The following WWTR1 variants were observed in gnomAD, a reference collection of about 807,000 sequenced individuals.
WWTR1 encodes WW domain containing transcription regulator 1.
WWTR1 carries 13 observed loss-of-function variants against 40.1 expected under a neutral mutation model. The observed-to-expected ratio is 0.32, with a 90% CI of 0.21 to 0.52. The LOEUF (loss-of-function observed/expected upper bound fraction) is 0.52. WWTR1 is among the 20% of genes least tolerant of loss of function. The probability of loss-of-function intolerance (pLI) is 0.97; values close to 1 mark genes in which losing one functional copy is unlikely to be tolerated. For missense variants in WWTR1, 436 were observed against 523.1 expected, an observed-to-expected ratio of 0.83 and a Z score of 1.63; for synonymous variants, 230 against 210.1, an observed-to-expected ratio of 1.09 and a Z score of -0.82.
At chr3:149,719,338 T>TTTTTTTA (rs1382736820) in intron 4 of WWTR1, among the ~76,000 whole-genome samples, 5 of 151,874 alleles carry the variant, frequency 3.3e-5, no homozygotes, top group African/African-American at 1.2e-4. Context: ...GCCCAGCTAA[T>TTTTTTTA]TTTTTTATTT....
chr3:149,560,022 C>T (rs1354670627), intron 3 of WWTR1, among the ~76,000 whole-genome samples: 1 of 152,140 alleles, frequency 6.6e-6, no homozygotes, highest in African/African-American at 2.4e-5. Context: ...TTGGGAAGGA[C>T]CTGGGACACC....
At chr3:149,683,566 C>T (rs912881533) in intron 1 of WWTR1, among the ~76,000 whole-genome samples, 5 of 152,042 alleles carry the variant, frequency 3.3e-5, no homozygotes, top group African/African-American at 4.8e-5. Context: ...TGGTGGCATG[C>T]GCCTGTAATC....
At chr3:149,568,521 T>G (rs1005170716) in intron 3 of WWTR1, among the ~76,000 whole-genome samples, 18 of 25,070 alleles carry the variant, frequency 7.2e-4, no homozygotes, top group Admixed American at 1.3e-3. Flanking sequence ...TGAATTAAAG[T>G]GCAAAAAAAA....
chr3:149,598,372 C>T lies in WWTR1; in HGVS notation c.432-25372G>A, dbSNP rs138806871. Among the ~76,000 whole-genome samples, 234 of 152,320 alleles carry T rather than the reference C, an allele frequency of 1.5e-3. 1 individual carries two copies. Among genetic ancestry groups the T allele is most frequent in the African/African-American group, 4.9e-3 (202 of 41,564 alleles). On this transcript the variant is annotated intron_variant, in intron 2 of 6. Transcript: ENST00000360632. ...ACAATAATCCTGGAAAAATTATTAT[C>T]CCCATCTTATAAATGAGGAAACTGA...
intron 4 of WWTR1, among the ~76,000 whole-genome samples, chr3:149,723,001 T>C (rs1715790358): frequency 6.6e-6 from 1 of 152,000 alleles, no homozygotes; most frequent in African/African-American, 2.4e-5. Flanking sequence ...ATTACAACCA[T>C]TTTTAGGTCT....
rs373485043 is a variant in WWTR1, at chr3:149,553,193, G to A, written c.569-10656C>T. Among the ~76,000 whole-genome samples, 20 of 152,226 alleles carry A rather than the reference G, an allele frequency of 1.3e-4. 1 individual carries two copies. The South Asian group carries it at 2.5e-3, about 19-fold the overall frequency. Reference sequence around the variant, plus strand: ...TCAGGAACAGGCTGCGACAAACCTAGGAAACCCGGAACGCCTGCTAGAATA... The same window carrying A: ...TCAGGAACAGGCTGCGACAAACCTAAGAAACCCGGAACGCCTGCTAGAATA... On this transcript the variant is annotated intron_variant, in intron 3 of 6. Coordinates refer to ENST00000360632, the MANE Select transcript of WWTR1 (RefSeq NM_015472.6).
At chr3:149,560,956 A>AC (rs5853422) in intron 3 of WWTR1, among the ~76,000 whole-genome samples, 4,984 of 148,016 alleles carry the variant, frequency 0.034, 100 homozygotes, top group Non-Finnish European at 0.044. Flanking sequence ...AGAAAGTAAC[A>AC]CCCCCCCCCG....
At chr3:149,616,762 A>C (rs1002869063) in intron 2 of WWTR1, among the ~76,000 whole-genome samples, 11 of 152,062 alleles carry the variant, frequency 7.2e-5, no homozygotes, top group Non-Finnish European at 5.9e-5. Flanking sequence ...TCTTTTAATA[A>C]ATTTCTTTCA....
intron 1 of WWTR1, among the ~76,000 whole-genome samples, chr3:149,687,798 C>T (rs1030070001): frequency 2.6e-5 from 4 of 151,992 alleles, no homozygotes; most frequent in Non-Finnish European, 5.9e-5. Flanking sequence ...CACACAGACC[C>T]CTAAGGTCCC....
At chr3:149,571,427 G>A (rs1737626115) in intron 3 of WWTR1, among the ~76,000 whole-genome samples, 1 of 152,108 alleles carries the variant, frequency 6.6e-6, no homozygotes, top group Non-Finnish European at 1.5e-5. Flanking sequence ...ACGAGCTCCT[G>A]TATATTTGGG....
At chr3:149,556,421 T>G (rs945232250) in intron 3 of WWTR1, among the ~76,000 whole-genome samples, 2 of 152,002 alleles carry the variant, frequency 1.3e-5, no homozygotes, top group African/African-American at 4.8e-5. Flanking sequence ...TCTACTAAAA[T>G]TACAAAAATT....
Position 149,520,871 on chromosome 3 carries a change from C to G in WWTR1, c.1137G>C (p.Leu379=). 1 of 1,613,408 alleles carries G rather than the reference C, an allele frequency of 6.2e-7. No homozygotes were observed. Among genetic ancestry groups the G allele is most frequent in the Non-Finnish European group, 8.5e-7 (1 of 1,179,780 alleles). ...ACTCTACATCATTGAAGAGGGGGATCAGGTCTTCAGATTCCAAAGTTCCTA... is the reference window on the plus strand; with the variant it reads ...ACTCTACATCATTGAAGAGGGGGATGAGGTCTTCAGATTCCAAAGTTCCTA... ...VDLGTLESED[L]IPLFNDVESA... The change falls in exon 7 of 7, where the codon CTG becomes CTC. Residue 379 remains leucine (L), a synonymous_variant. Coordinates refer to ENST00000360632, the MANE Select transcript of WWTR1 (RefSeq NM_015472.6).
At chr3:149,623,639 T>C (rs934566663) in intron 2 of WWTR1, among the ~76,000 whole-genome samples, 1 of 152,172 alleles carries the variant, frequency 6.6e-6, no homozygotes, top group African/African-American at 2.4e-5. Context: ...ACATCCTTAT[T>C]TGAATAGGAG....
chr3:149,569,764 G>C (rs978131778), intron 3 of WWTR1, among the ~76,000 whole-genome samples: 3 of 152,172 alleles, frequency 2.0e-5, no homozygotes, highest in Non-Finnish European at 4.4e-5. Context: ...TTATTTGACA[G>C]CTACATTCCA....
chr3:149,647,566 A>C (rs945271761), intron 2 of WWTR1, among the ~76,000 whole-genome samples: 1 of 152,252 alleles, frequency 6.6e-6, no homozygotes. Flanking sequence ...ATTTACAAGC[A>C]GAAATGATAG....
chr3:149,544,841 G>A (rs1736294955), intron 3 of WWTR1, among the ~76,000 whole-genome samples: 1 of 152,210 alleles, frequency 6.6e-6, no homozygotes, highest in African/African-American at 2.4e-5. Flanking sequence ...TTACTAAGAG[G>A]AAGGGCTCGA....
At chr3:149,589,078 A>G (rs1350181808) in intron 2 of WWTR1, among the ~76,000 whole-genome samples, 1 of 152,204 alleles carries the variant, frequency 6.6e-6, no homozygotes, top group Non-Finnish European at 1.5e-5. Flanking sequence ...GTCAACAGAC[A>G]CAGGAGCTGC....
intron 3 of WWTR1, among the ~76,000 whole-genome samples, chr3:149,565,458 C>T (rs571705250): frequency 2.6e-5 from 4 of 152,074 alleles, no homozygotes; most frequent in African/African-American, 4.8e-5. Flanking sequence ...GACTCATCCA[C>T]ATTAAGATAA....
At chr3:149,620,421 A>G (rs1268395117) in intron 2 of WWTR1, among the ~76,000 whole-genome samples, 1 of 152,106 alleles carries the variant, frequency 6.6e-6, no homozygotes, top group Non-Finnish European at 1.5e-5. Context: ...AGTAGGTGTG[A>G]CCACAGAGCT....
Sources: allele counts gnomAD v4.1 joint callset (sites outside exome capture counted in the v4.1 genomes callset), GRCh38; gene constraint gnomAD v4.1.1; transcripts MANE v1.5; gene names NCBI Gene and HGNC (gene_info 2026-07-23, HGNC 2026-07-21).